The following VMP1 variants were observed in gnomAD, a reference collection of about 807,000 sequenced individuals.
VMP1 encodes ectopic P-granules autophagy protein 3 homolog.
In VMP1, 11 loss-of-function variants were observed where a neutral mutation model predicts 56.0. That is an observed-to-expected ratio of 0.20 (90% CI 0.12 to 0.32). VMP1 has a LOEUF of 0.32. Ranked by LOEUF, VMP1 falls within the 10% of genes least tolerant of loss-of-function variation. VMP1 has a pLI of 1.00. For synonymous variants in VMP1, 149 were observed against 165.0 expected (o/e 0.90, Z 0.74); for missense variants, 296 against 490.3 (o/e 0.60, Z 3.74).
intron 10 of VMP1, among the ~76,000 whole-genome samples, chr17:59,830,095 T>C (rs2038761517): frequency 6.6e-6 from 1 of 152,108 alleles, no homozygotes; most frequent in African/African-American, 2.4e-5. Context: ...GTTTTCAGTC[T>C]CCTGAAGTTG....
chr17:59,720,960 C>T (rs1458871063), intron 1 of VMP1, among the ~76,000 whole-genome samples: 1 of 150,816 alleles, frequency 6.6e-6, no homozygotes, highest in African/African-American at 2.4e-5. Context: ...GCAACAAGAG[C>T]GAAACTCCAT....
intron 10 of VMP1, among the ~76,000 whole-genome samples, chr17:59,831,908 A>T (rs1161270615): frequency 6.6e-6 from 1 of 151,754 alleles, no homozygotes; most frequent in African/African-American, 2.4e-5. Context: ...TCACTATTTT[A>T]CCCAGGCTGG....
At chr17:59,765,212 G>A in intron 6 of VMP1, 74 bp downstream of exon 6, 2 of 1,469,562 alleles carry the variant, frequency 1.4e-6, no homozygotes, top group Non-Finnish European at 9.1e-7. Flanking sequence ...TATTGAAATG[G>A]AATCTAAACA....
rs374002286 is a variant in VMP1 at position 59,792,255 on chromosome 17, G to A, written c.715-16541G>A. Among the ~76,000 whole-genome samples, 6 of 152,156 alleles carry A rather than the reference G, an allele frequency of 3.9e-5. No individual in the cohort carries two copies. The East Asian group carries it at 5.8e-4, about 15-fold the overall frequency. On this transcript the variant is annotated intron_variant, in intron 7 of 11. Coordinates refer to ENST00000262291, the MANE Select transcript of VMP1 (RefSeq NM_030938.5). ...TGGCACCACTGCACTCCAGCTAGAC[G>A]GCAGAGCAAAAGTCTGTCTCAAAAT...
At chr17:59,717,057 G>A (rs1260536239) in intron 1 of VMP1, among the ~76,000 whole-genome samples, 1 of 151,552 alleles carries the variant, frequency 6.6e-6, no homozygotes, top group Non-Finnish European at 1.5e-5. Context: ...TCGGCTTATT[G>A]CAAGCTCCGC....
intron 6 of VMP1, among the ~76,000 whole-genome samples, chr17:59,766,966 G>A (rs1261258456): frequency 6.6e-6 from 1 of 151,992 alleles, no homozygotes; most frequent in Non-Finnish European, 1.5e-5. Flanking sequence ...ATTTTTAGTA[G>A]AGACGGGATT....
chr17:59,801,112 ATGTGTGTGTGTGTGTGTGTGTGTGTG>A (rs71145573), intron 7 of VMP1, among the ~76,000 whole-genome samples: 1 of 110,326 alleles, frequency 9.1e-6, no homozygotes, highest in Non-Finnish European at 1.7e-5. Flanking sequence ...ATATATATAT[ATGTGTGTGTGTGTGTGTGTGTGTGTG>A]TGTGTGTGTG....
intron 7 of VMP1, among the ~76,000 whole-genome samples, chr17:59,792,341 G>A (rs986719939): frequency 1.3e-5 from 2 of 152,120 alleles, no homozygotes; most frequent in African/African-American, 4.8e-5. Context: ...CCATAATAGA[G>A]AAGTTCCCAT....
chr17:59,784,100 A>AGTGTGTGTGTGT (rs536985526), intron 7 of VMP1, among the ~76,000 whole-genome samples: 1 of 139,108 alleles, frequency 7.2e-6, no homozygotes, highest in Non-Finnish European at 1.5e-5. Context: ...CATCAAAAAG[A>AGTGTGTGTGTGT]GTGTGTGTGT....
chr17:59,741,051 C>T (rs1056777681), intron 5 of VMP1, among the ~76,000 whole-genome samples: 36 of 152,016 alleles, frequency 2.4e-4, no homozygotes, highest in African/African-American at 8.2e-4. Flanking sequence ...AAAAATTAGT[C>T]GGGTGTGGTG....
At position 59,793,596 on chromosome 17, in the gene VMP1, G is replaced by T. The variant is rs1007264534; in HGVS notation, c.715-15200G>T. 5.2e-5 allele frequency among the ~76,000 whole-genome samples: 6 copies of T among 115,950 alleles called. 1 individual carries two copies. Among genetic ancestry groups the T allele is most frequent in the African/African-American group, 1.6e-4 (6 of 38,632 alleles). The allele number at this position is 115,950 out of a possible 152,430, so 76.1% of individuals were successfully genotyped here. A position where few individuals can be genotyped will look rare whatever the true frequency, so the allele number is the denominator to read the frequency against. ...CCTAAGAATTACCATGTTTGTGCGT[G>T]TGTGCACGCGTGCGCATGTGTGTGT... is the stretch of plus-strand genomic sequence containing the variant. On this transcript the variant is annotated intron_variant, in intron 7 of 11. Coordinates refer to ENST00000262291, the MANE Select transcript of VMP1 (RefSeq NM_030938.5).
chr17:59,797,054 C>T (rs2144149677), intron 7 of VMP1, among the ~76,000 whole-genome samples: 1 of 152,170 alleles, frequency 6.6e-6, no homozygotes, highest in Middle Eastern at 3.4e-3. Context: ...AAAAATAAGG[C>T]CTGGCACTGT....
At chr17:59,763,929 G>A (rs756913037) in intron 5 of VMP1, among the ~76,000 whole-genome samples, 1 of 152,164 alleles carries the variant, frequency 6.6e-6, no homozygotes, top group Non-Finnish European at 1.5e-5. Flanking sequence ...ATGGCTGCTA[G>A]TTACTGTATG....
chr17:59,830,692 G>A lies in VMP1; in HGVS notation c.975-7603G>A, dbSNP rs868081940. Among the ~76,000 whole-genome samples, 24 of 152,304 alleles carry A rather than the reference G, an allele frequency of 1.6e-4. 2 individuals are homozygous for A. The South Asian group carries it at 5.0e-3, about 32-fold the overall frequency. On this transcript the variant is annotated intron_variant, in intron 10 of 11. Transcript: ENST00000262291. ...GATCCTCAAAAAAGTATTTGAGAAA[G>A]GAGCAGAGCCTATATTAAATAAAAA... is the stretch of plus-strand genomic sequence containing the variant.
intron 10 of VMP1, among the ~76,000 whole-genome samples, chr17:59,825,178 C>T (rs2038607807): frequency 6.9e-6 from 1 of 144,720 alleles, no homozygotes; most frequent in Non-Finnish European, 1.5e-5. Flanking sequence ...CCTCTGCCTC[C>T]TGTGTTCAAG....
intron 1 of VMP1, among the ~76,000 whole-genome samples, chr17:59,718,528 C>G (rs1267857908): frequency 2.0e-5 from 3 of 150,552 alleles, no homozygotes; most frequent in East Asian, 3.9e-4. Context: ...TCTCTTAACA[C>G]GGTCTTACTC....
At chr17:59,794,070 G>T (rs2037339900) in intron 7 of VMP1, among the ~76,000 whole-genome samples, 1 of 150,800 alleles carries the variant, frequency 6.6e-6, no homozygotes. Context: ...ACAAGCACCT[G>T]CCACCACGCC....
chr17:59,829,102 C>A (rs1394232871), intron 10 of VMP1, among the ~76,000 whole-genome samples: 4 of 152,108 alleles, frequency 2.6e-5, no homozygotes, highest in Non-Finnish European at 5.9e-5. Context: ...GGTGATAGAG[C>A]CAGACTCCGT....
chr17:59,789,615 G>A (rs2037147060), intron 7 of VMP1, among the ~76,000 whole-genome samples: 1 of 152,018 alleles, frequency 6.6e-6, no homozygotes, highest in African/African-American at 2.4e-5. Flanking sequence ...TCAGTAACAT[G>A]CTAAATACAA....
Sources: gnomAD v4.1 joint callset for allele counts (sites outside exome capture counted in the v4.1 genomes callset) on GRCh38, gnomAD v4.1.1 for gene constraint, MANE v1.5 for transcripts, NCBI Gene and HGNC (gene_info 2026-07-23, HGNC 2026-07-21) for gene names.